DLG1: variants seen among roughly 807,000 people sequenced by gnomAD.
DLG1 encodes discs large MAGUK scaffold protein 1, also known as disks large homolog 1.
DLG1 carries 42 observed loss-of-function variants against 123.4 expected under a neutral mutation model. The observed-to-expected ratio is 0.34, with a 90% confidence interval of 0.27 to 0.44. DLG1 has a LOEUF of 0.44. Ranked by LOEUF, DLG1 falls within the 20% of genes least tolerant of loss-of-function variation. The pLI is 1.00. For missense variants in DLG1, 942 were observed against 1,082.6 expected (o/e 0.87, Z 1.82); for synonymous variants, 317 against 356.2 (o/e 0.89, Z 1.24).
At chr3:197,067,192 A>G (rs891978517) in intron 19 of DLG1, among the ~76,000 whole-genome samples, 3 of 152,190 alleles carry the variant, frequency 2.0e-5, no homozygotes, top group Admixed American at 1.3e-4. Context: ...TGAATACAGT[A>G]TATTTTATTT....
At chr3:197,289,680 C>T (rs1205824214) in intron 3 of DLG1, among the ~76,000 whole-genome samples, 16 of 152,126 alleles carry the variant, frequency 1.1e-4, no homozygotes. Flanking sequence ...GGGCAGATGA[C>T]ATACTAAGAT....
chr3:197,281,211 T>C (rs1250436658), intron 4 of DLG1, among the ~76,000 whole-genome samples: 1 of 152,138 alleles, frequency 6.6e-6, no homozygotes, highest in Non-Finnish European at 1.5e-5. Context: ...CTAATTTTTG[T>C]ATTTTAGACG....
At chr3:197,152,913 TTACATTTTTAAAAATCGTGTTAAAA>T (rs1359727558) in intron 5 of DLG1, among the ~76,000 whole-genome samples, 2 of 152,172 alleles carry the variant, frequency 1.3e-5, no homozygotes, top group African/African-American at 4.8e-5. Flanking sequence ...GAGGGCAATA[TTACATTTTTAAAAATCGTGTTAAAA>T]TACATTCTAA....
intron 3 of DLG1, among the ~76,000 whole-genome samples, chr3:197,283,830 A>G (rs1266346226): frequency 6.6e-6 from 1 of 151,132 alleles, no homozygotes; most frequent in African/African-American, 2.4e-5. Flanking sequence ...CAAAATAGAG[A>G]CAAACTTAAC....
At chr3:197,244,298 C>T (rs536489649) in intron 4 of DLG1, among the ~76,000 whole-genome samples, 9 of 152,194 alleles carry the variant, frequency 5.9e-5, no homozygotes, top group Non-Finnish European at 8.8e-5. Context: ...TGGAAGGGAA[C>T]TACCATACAG....
At chr3:197,148,537 T>G (rs1792277662) in intron 6 of DLG1, among the ~76,000 whole-genome samples, 1 of 152,116 alleles carries the variant, frequency 6.6e-6, no homozygotes, top group African/African-American at 2.4e-5. Context: ...ACCCATATAT[T>G]TACAGTTAAC....
intron 4 of DLG1, among the ~76,000 whole-genome samples, chr3:197,197,244 C>G (rs1475424830): frequency 2.6e-5 from 4 of 152,160 alleles, no homozygotes; most frequent in African/African-American, 9.7e-5. Flanking sequence ...CACGTTCAGT[C>G]CTTTTGGTAA....
intron 4 of DLG1, chr3:197,226,351 A>C (rs548568458): frequency 6.6e-6 from 1 of 152,182 alleles, no homozygotes; most frequent in African/African-American, 2.4e-5. Context: ...CTCCATGAGA[A>C]TAAGATACAA....
At chr3:197,208,041 C>T (rs73210543) in intron 4 of DLG1, among the ~76,000 whole-genome samples, 23,455 of 144,268 alleles carry the variant, frequency 0.16, 3,881 homozygotes, top group Middle Eastern at 0.21. Context: ...CTTCTTAGTC[C>T]CTAAGAAAAA....
chr3:197,249,756 G>A (rs978746267), intron 4 of DLG1, among the ~76,000 whole-genome samples: 1 of 152,180 alleles, frequency 6.6e-6, no homozygotes, highest in Non-Finnish European at 1.5e-5. Flanking sequence ...CAAGGATGGT[G>A]TGACATACAC....
At chr3:197,292,698 C>G (rs1775533273) in intron 3 of DLG1, among the ~76,000 whole-genome samples, 4 of 152,174 alleles carry the variant, frequency 2.6e-5, no homozygotes, top group Non-Finnish European at 5.9e-5. Context: ...AACAAATGAA[C>G]TGGTAACTAA....
At chr3:197,260,141 A>C (rs1758699081) in intron 4 of DLG1, 1 of 272,258 alleles carries the variant, frequency 3.7e-6, no homozygotes, top group Non-Finnish European at 7.4e-6. Flanking sequence ...ACATGGATTC[A>C]CACATCTATT....
intron 5 of DLG1, among the ~76,000 whole-genome samples, chr3:197,164,851 G>A (rs1462089095): frequency 2.0e-5 from 3 of 151,828 alleles, no homozygotes; most frequent in Non-Finnish European, 2.9e-5. Flanking sequence ...GAACCCAGCA[G>A]GTGGAAGTTG....
rs973310923 is a variant in DLG1, at chr3:197,298,024, C to G, written c.-32+512G>C. ...CGCCTCCTCGCTCGCCGCGGCCCCCCGGCCCGCTCGCCCAGTTGCTGCCGC... is the reference window on the plus strand; with the variant it reads ...CGCCTCCTCGCTCGCCGCGGCCCCCGGGCCCGCTCGCCCAGTTGCTGCCGC... On this transcript the variant is annotated intron_variant, in intron 1 of 24. Coordinates refer to ENST00000667157, the MANE Select transcript of DLG1 (RefSeq NM_001366207.1). The G allele has an allele frequency of 3.6e-5, 27 of 746,112 alleles. 1 individual carries two copies. The African/African-American group carries it at 4.7e-4, about 13-fold the overall frequency. 46.2% of individuals were successfully genotyped at this position (746,112 alleles called of 1,614,324 possible).
chr3:197,170,655 A>G (rs1803738306), intron 5 of DLG1, among the ~76,000 whole-genome samples: 1 of 152,140 alleles, frequency 6.6e-6, no homozygotes, highest in South Asian at 2.1e-4. Flanking sequence ...TCAGATGCAC[A>G]GTTTGCAAAA....
At chr3:197,264,813 A>G (rs901283844) in intron 4 of DLG1, among the ~76,000 whole-genome samples, 2 of 152,218 alleles carry the variant, frequency 1.3e-5, no homozygotes, top group Non-Finnish European at 2.9e-5. Flanking sequence ...TCCAAAATCC[A>G]AAACGCTTCT....
chr3:197,087,071 C>T (rs975053758), intron 15 of DLG1, among the ~76,000 whole-genome samples: 3 of 151,922 alleles, frequency 2.0e-5, no homozygotes, highest in Non-Finnish European at 4.4e-5. Context: ...CACCTACTAC[C>T]CAACCCAAGA....
chr3:197,049,888 C>A (rs1366106803), intron 24 of DLG1, among the ~76,000 whole-genome samples: 1 of 152,136 alleles, frequency 6.6e-6, no homozygotes, highest in Non-Finnish European at 1.5e-5. Flanking sequence ...CATAGCGAGA[C>A]CCTGTCTCTA....
chr3:197,127,778 T>C (rs946716788), intron 11 of DLG1, among the ~76,000 whole-genome samples: 4 of 152,002 alleles, frequency 2.6e-5, no homozygotes, highest in Admixed American at 6.6e-5. Context: ...AAAGCGAATA[T>C]TGCAATAAAG....
Sources: allele counts gnomAD v4.1 joint callset (sites outside exome capture counted in the v4.1 genomes callset), GRCh38; gene constraint gnomAD v4.1.1; transcripts MANE v1.5; gene names NCBI Gene and HGNC (gene_info 2026-07-23, HGNC 2026-07-21).